The following TRIO variants were observed in gnomAD, a reference collection of about 807,000 sequenced individuals.
TRIO encodes trio Rho guanine nucleotide exchange factor.
Under a neutral mutation model 351.9 loss-of-function variants are expected in TRIO, and 58 were observed. The observed-to-expected ratio is 0.16, with a 90% CI of 0.13 to 0.21. TRIO has a LOEUF of 0.21. TRIO is among the 10% of genes least tolerant of loss of function. The pLI, the probability that TRIO is intolerant of heterozygous loss-of-function variation, is 1.00. For synonymous variants in TRIO, 1,758 were observed against 1,595.7 expected (o/e 1.10, Z -2.42); for missense variants, 3,201 against 4,027.8 (o/e 0.79, Z 5.56).
chr5:14,163,763 A>C (rs1314223635), intron 1 of TRIO, among the ~76,000 whole-genome samples: 1 of 152,224 alleles, frequency 6.6e-6, no homozygotes, highest in Non-Finnish European at 1.5e-5. Context: ...TAAAAATCTA[A>C]TAAAGCTTAC....
At chr5:14,173,503 C>A (rs565617801) in intron 1 of TRIO, among the ~76,000 whole-genome samples, 1 of 152,204 alleles carries the variant, frequency 6.6e-6, no homozygotes, top group Non-Finnish European at 1.5e-5. Flanking sequence ...TGAGTCACCG[C>A]GCCTGGCCTG....
At chr5:14,176,624 T>C (rs1789423839) in intron 1 of TRIO, among the ~76,000 whole-genome samples, 1 of 152,196 alleles carries the variant, frequency 6.6e-6, no homozygotes, top group Non-Finnish European at 1.5e-5. Flanking sequence ...TGACTAATTT[T>C]TGTATTTTTT....
Position 14,508,113 on chromosome 5 carries a change from C to T in TRIO, c.8985C>T (p.Asp2995=). The change falls in exon 57 of 57, where the codon GAC becomes GAT. Residue 2995 remains aspartate, a synonymous_variant. Transcript: ENST00000344204. The part of the protein sequence containing the change: ...LLSGVSPFLD[D]SVEETCLNIC... ...GTGGCGTGTCCCCCTTCCTGGATGA[C>T]AGTGTGGAAGAGACCTGCCTGAACA... is the stretch of plus-strand genomic sequence containing the variant. 1 of 1,614,184 alleles carries T rather than the reference C, an allele frequency of 6.2e-7. No homozygotes were observed.
chr5:14,358,392 G>A, intron 12 of TRIO, 45 bp downstream of exon 12: 1 of 1,601,670 alleles, frequency 6.2e-7, no homozygotes, highest in South Asian at 1.1e-5. Context: ...CTGAAACCCT[G>A]CCTGTGACTC....
intron 1 of TRIO, among the ~76,000 whole-genome samples, chr5:14,228,870 C>CA (rs1219761043): frequency 1.1e-3 from 169 of 148,082 alleles, no homozygotes; most frequent in African/African-American, 3.4e-3. Flanking sequence ...GACTCCATCT[C>CA]AAAAAAAAAG....
Position 14,366,988 on chromosome 5 carries a change from G to T in TRIO, c.2874+9G>T. On this transcript the variant is annotated intron_variant, in intron 16 of 56. Transcript: ENST00000344204. Reference sequence around the variant, plus strand: ...TCCAGCATGCCATTGAGGTAAGGGCGCTGGGCCTGCCTGTGTGTTGGCTCT... The same window carrying T: ...TCCAGCATGCCATTGAGGTAAGGGCTCTGGGCCTGCCTGTGTGTTGGCTCT... 4 of 1,613,774 alleles carry T rather than the reference G, an allele frequency of 2.5e-6. No homozygotes were observed. The highest frequency in any genetic ancestry group is 3.4e-6 in the Non-Finnish European group (4 of 1,179,938).
intron 42 of TRIO, among the ~76,000 whole-genome samples, chr5:14,479,581 G>A (rs1194336726): frequency 6.6e-6 from 1 of 152,056 alleles, no homozygotes; most frequent in Non-Finnish European, 1.5e-5. Context: ...TTAAAAATAA[G>A]AGTTTTTAAT....
chr5:14,494,952 G>A (rs1756767150), intron 49 of TRIO, among the ~76,000 whole-genome samples: 1 of 152,226 alleles, frequency 6.6e-6, no homozygotes, highest in Admixed American at 6.5e-5. Flanking sequence ...AGCTACCATA[G>A]GCAGTGATGC....
At chr5:14,303,393 C>A (rs188769680) in intron 7 of TRIO, among the ~76,000 whole-genome samples, 1 of 138,336 alleles carries the variant, frequency 7.2e-6, no homozygotes, top group Non-Finnish European at 1.5e-5. Flanking sequence ...GGATGGCTGC[C>A]GCAGGAATTG....
chr5:14,184,381 C>T (rs1321033971), intron 1 of TRIO, among the ~76,000 whole-genome samples: 1 of 152,250 alleles, frequency 6.6e-6, no homozygotes, highest in Non-Finnish European at 1.5e-5. Context: ...CATGGGATCA[C>T]AGCTTCCCTT....
chr5:14,374,174 A>G (rs1561408484), intron 18 of TRIO, 55 bp from the exon 19 acceptor site: 19 of 1,407,040 alleles, frequency 1.4e-5, no homozygotes, highest in Non-Finnish European at 1.7e-5. Context: ...GTGTACTCCA[A>G]ATACACGTTT....
intron 8 of TRIO, among the ~76,000 whole-genome samples, chr5:14,308,831 C>T (rs1738641491): frequency 1.3e-5 from 2 of 150,876 alleles, no homozygotes; most frequent in African/African-American, 4.9e-5. Flanking sequence ...TCAATCTACC[C>T]ATCTACCCAT....
chr5:14,369,272 A>C, intron 17 of TRIO, 102 bp from the exon 18 acceptor site: 1 of 1,468,632 alleles, frequency 6.8e-7, no homozygotes, highest in East Asian at 2.3e-5. Flanking sequence ...GATCCTCCTG[A>C]CAGCATCTTC....
At chr5:14,251,672 C>G (rs571392205) in intron 1 of TRIO, among the ~76,000 whole-genome samples, 1 of 152,282 alleles carries the variant, frequency 6.6e-6, no homozygotes, top group Admixed American at 6.5e-5. Context: ...GGCGTCTTTT[C>G]GTTTATTGAG....
chr5:14,437,290 A>AT (rs1369817301), intron 34 of TRIO, among the ~76,000 whole-genome samples: 4 of 152,126 alleles, frequency 2.6e-5, no homozygotes, highest in Admixed American at 1.3e-4. Flanking sequence ...AAACTTACAG[A>AT]TTTTTTTTCC....
At chr5:14,183,282 G>A (rs1446436637) in intron 1 of TRIO, among the ~76,000 whole-genome samples, 1 of 152,106 alleles carries the variant, frequency 6.6e-6, no homozygotes, top group Non-Finnish European at 1.5e-5. Flanking sequence ...GTGCCCTTGG[G>A]AGTCATTTTT....
intron 38 of TRIO, among the ~76,000 whole-genome samples, chr5:14,472,253 AT>A (rs1443077767): frequency 6.6e-6 from 1 of 152,242 alleles, no homozygotes; most frequent in Non-Finnish European, 1.5e-5. Context: ...TGACTTAATC[AT>A]TTTTTAAAAG....
chr5:14,401,853 A>G (rs1403286886), intron 31 of TRIO, among the ~76,000 whole-genome samples: 2 of 152,070 alleles, frequency 1.3e-5, no homozygotes, highest in Non-Finnish European at 2.9e-5. Context: ...GAATATTGGG[A>G]GATGAGCCAG....
chr5:14,472,729 C>T (rs956204766), intron 39 of TRIO, 71 bp downstream of exon 39: 2 of 1,467,596 alleles, frequency 1.4e-6, no homozygotes, highest in East Asian at 2.3e-5. Flanking sequence ...TCGTTTTAGA[C>T]AGTTGAACAC....
Sources: gnomAD v4.1 joint callset for allele counts (sites outside exome capture counted in the v4.1 genomes callset) on GRCh38, gnomAD v4.1.1 for gene constraint, MANE v1.5 for transcripts, NCBI Gene and HGNC (gene_info 2026-07-23, HGNC 2026-07-21) for gene names.